Variants in RAB4A observed in about 807,000 individuals in gnomAD.
The protein encoded by RAB4A is RAB4A, member RAS oncogene family, also known as ras-related protein Rab-4A.
In RAB4A, 20 loss-of-function variants were observed where a neutral mutation model predicts 34.5. That is an observed-to-expected ratio of 0.58 (90% CI 0.41 to 0.84). RAB4A has a LOEUF of 0.84. Among genes scored for constraint, RAB4A ranks in the 40% least tolerant of loss-of-function variants. The probability of loss-of-function intolerance (pLI) is 0.00; values close to 1 mark genes in which losing one functional copy is unlikely to be tolerated. For missense variants in RAB4A, 228 were observed against 274.5 expected (o/e 0.83, Z 1.20); for synonymous variants, 102 against 100.0 (o/e 1.02, Z -0.12).
chr1:229,279,453 C>G (rs1656726911), intron 1 of RAB4A, among the ~76,000 whole-genome samples: 1 of 152,198 alleles, frequency 6.6e-6, no homozygotes, highest in South Asian at 2.1e-4. Flanking sequence ...CACAGTCCTA[C>G]TTTAGTATAT....
chr1:229,284,797 C>T (rs12741764), intron 1 of RAB4A, among the ~76,000 whole-genome samples: 3,275 of 152,220 alleles, frequency 0.022, 54 homozygotes, highest in Non-Finnish European at 0.033. Flanking sequence ...TTTATTTTAA[C>T]ATGGGCTCTC....
chr1:229,301,772 A>T (rs1427862733), intron 6 of RAB4A, among the ~76,000 whole-genome samples: 1 of 152,142 alleles, frequency 6.6e-6, no homozygotes, highest in African/African-American at 2.4e-5. Flanking sequence ...AAAATGTATC[A>T]TATGATAGAC....
intron 1 of RAB4A, among the ~76,000 whole-genome samples, chr1:229,278,715 C>T (rs1046943982): frequency 2.6e-5 from 4 of 152,166 alleles, no homozygotes; most frequent in African/African-American, 9.7e-5. Context: ...CTCCTTTAAC[C>T]ACCTCTGTCT....
chr1:229,297,791 T>A (rs1315834917), intron 5 of RAB4A, among the ~76,000 whole-genome samples, 155 bp downstream of exon 5: 1 of 152,232 alleles, frequency 6.6e-6, no homozygotes, highest in Non-Finnish European at 1.5e-5. Flanking sequence ...TTAGACCTAT[T>A]AAGCATATTT....
At chr1:229,285,172 GTTTTTA>G (rs1656890595) in intron 1 of RAB4A, among the ~76,000 whole-genome samples, 1 of 151,964 alleles carries the variant, frequency 6.6e-6, no homozygotes, top group African/African-American at 2.4e-5. Context: ...ACCCGGCTAA[GTTTTTA>G]TTTTTATTTT....
At chr1:229,277,861 C>A (rs1656689298) in intron 1 of RAB4A, among the ~76,000 whole-genome samples, 1 of 151,246 alleles carries the variant, frequency 6.6e-6, no homozygotes, top group South Asian at 2.1e-4. Flanking sequence ...TGGTCCATCT[C>A]CTCCCTTTCT....
chr1:229,281,995 A>G (rs12402770), intron 1 of RAB4A, among the ~76,000 whole-genome samples: 59,458 of 151,774 alleles, frequency 0.39, 11,941 homozygotes, highest in Admixed American at 0.45. Context: ...AGGAAAGCCT[A>G]TTGTATTTGC....
chr1:229,285,710 G>GAGCTCCTA (rs982735260), intron 1 of RAB4A, among the ~76,000 whole-genome samples: 2 of 152,224 alleles, frequency 1.3e-5, no homozygotes, highest in Admixed American at 6.5e-5. Context: ...TGGTACTCCC[G>GAGCTCCTA]AGCTCCTAAG....
chr1:229,300,466 T>C (rs1657351672), intron 6 of RAB4A, among the ~76,000 whole-genome samples: 1 of 152,190 alleles, frequency 6.6e-6, no homozygotes, highest in African/African-American at 2.4e-5. Flanking sequence ...ATCTAAGATA[T>C]ATTTAGGCAG....
At position 229,304,524 on chromosome 1, in the gene RAB4A, G is replaced by C. The variant is rs1162003690; in HGVS notation, c.*731G>C. 6.6e-6 allele frequency: 1 copy of C among 152,176 alleles called. No individual in the cohort carries two copies. Among genetic ancestry groups the C allele is most frequent in the African/African-American group, 2.4e-5 (1 of 41,426 alleles). The allele number at this position is 152,176 out of a possible 1,614,324, so 9.4% of individuals were successfully genotyped here. ...TGTGAGACTAGCACTAAGGATTCTGGTACCTTTACCCAAACCTACTGGGCT... is the reference window on the plus strand; with the variant it reads ...TGTGAGACTAGCACTAAGGATTCTGCTACCTTTACCCAAACCTACTGGGCT... On this transcript the variant is annotated 3_prime_UTR_variant, in exon 8 of 8. Transcript: ENST00000366690.
chr1:229,283,661 G>A (rs138181839), intron 1 of RAB4A, among the ~76,000 whole-genome samples: 136 of 151,704 alleles, frequency 9.0e-4, no homozygotes, highest in Non-Finnish European at 1.7e-3. Context: ...CATTCCTTGG[G>A]CCCTGAAATC....
chr1:229,302,290 TATA>T (rs1657419774), intron 6 of RAB4A, among the ~76,000 whole-genome samples: 9 of 24,552 alleles, frequency 3.7e-4, no homozygotes, highest in African/African-American at 1.5e-3. Flanking sequence ...TATATATATA[TATA>T]TATATATATA....
At chr1:229,272,479 A>T (rs1039963432) in intron 1 of RAB4A, among the ~76,000 whole-genome samples, 1 of 152,162 alleles carries the variant, frequency 6.6e-6, no homozygotes, top group East Asian at 1.9e-4. Context: ...TATTGAGGGA[A>T]TGCAGTATTA....
chr1:229,291,251 A>G (rs1352406059), intron 3 of RAB4A, among the ~76,000 whole-genome samples: 6 of 152,240 alleles, frequency 3.9e-5, no homozygotes, highest in Non-Finnish European at 8.8e-5. Flanking sequence ...GGAGGAAGCC[A>G]AGATTATCTT....
At chr1:229,273,737 T>A (rs1217549109) in intron 1 of RAB4A, among the ~76,000 whole-genome samples, 1 of 152,208 alleles carries the variant, frequency 6.6e-6, no homozygotes, top group South Asian at 2.1e-4. Flanking sequence ...AGACTCTGTC[T>A]CAAAAAAAGA....
In RAB4A at chr1:229,271,267, C is replaced by G. The variant is rs879307676; in HGVS notation, c.-73C>G. On this transcript the variant is annotated 5_prime_UTR_variant, in exon 1 of 8. Coordinates refer to ENST00000366690, the MANE Select transcript of RAB4A (RefSeq NM_004578.4). ...TCCGGTCCCCCGCCCCAGGTCCTTC[C>G]CCACCGAGACGCGCCGGCGGACCGC... The G allele has an allele frequency of 1.2e-3, 1,617 of 1,312,602 alleles. 4 individuals carry two copies. The highest frequency in any genetic ancestry group is 1.3e-3 in the Middle Eastern group (5 of 3,868). The allele number at this position is 1,312,602 out of a possible 1,614,324, so 81.3% of individuals were successfully genotyped here.
intron 1 of RAB4A, among the ~76,000 whole-genome samples, chr1:229,274,038 T>A (rs1165703013): frequency 7.1e-6 from 1 of 141,728 alleles, no homozygotes; most frequent in Non-Finnish European, 1.5e-5. Flanking sequence ...ATGTACTGGG[T>A]TTTTGTTTCC....
intron 1 of RAB4A, among the ~76,000 whole-genome samples, chr1:229,284,094 GTTTTTTT>G (rs773213321): frequency 4.4e-5 from 2 of 45,904 alleles, no homozygotes; most frequent in African/African-American, 1.0e-4. Flanking sequence ...GTGTTGTTTG[GTTTTTTT>G]TTTTTTTTTT....
At chr1:229,271,442 G>C (rs1466840461) in intron 1 of RAB4A, 72 bp downstream of exon 1, 1 of 1,146,798 alleles carries the variant, frequency 8.7e-7, no homozygotes, top group African/African-American at 1.6e-5. Context: ...GCCGGGCCTG[G>C]GCTGCGGGGG....
Sources: allele counts gnomAD v4.1 joint callset (sites outside exome capture counted in the v4.1 genomes callset), GRCh38; gene constraint gnomAD v4.1.1; transcripts MANE v1.5; gene names NCBI Gene and HGNC (gene_info 2026-07-23, HGNC 2026-07-21).